COL4A4: variants seen among roughly 807,000 people sequenced by gnomAD.
COL4A4 encodes the protein collagen type IV alpha 4 chain.
A neutral mutation model predicts 192.9 loss-of-function variants in COL4A4; 105 were observed. That is an observed-to-expected ratio of 0.54 (90% confidence interval 0.46 to 0.64). The LOEUF is 0.64. Ranked by LOEUF, COL4A4 falls within the 30% of genes least tolerant of loss-of-function variation. The pLI is 0.00. For missense variants in COL4A4, 1,967 were observed against 2,169.3 expected (o/e 0.91, Z 1.85); for synonymous variants, 762 against 769.9 (o/e 0.99, Z 0.17).
chr2:227,034,797 A>G (rs1969264302), intron 37 of COL4A4, among the ~76,000 whole-genome samples: 2 of 135,216 alleles, frequency 1.5e-5, no homozygotes, highest in South Asian at 4.8e-4. Flanking sequence ...ATTCCCACCT[A>G]TGAGTGAGAA....
chr2:227,090,394 T>C (rs1242650326), intron 20 of COL4A4, among the ~76,000 whole-genome samples: 1 of 152,092 alleles, frequency 6.6e-6, no homozygotes, highest in Non-Finnish European at 1.5e-5. Context: ...AGACGACAGA[T>C]AAAATGCAAA....
In COL4A4 at chr2:227,004,105, A is replaced by C. The variant is rs1961563862; in HGVS notation, c.*3220T>G. 6.6e-6 allele frequency: 1 copy of C among 152,266 alleles called. No homozygotes were observed. Among genetic ancestry groups the C allele is most frequent in the African/African-American group, 2.4e-5 (1 of 41,462 alleles). The allele number at this position is 152,266 out of a possible 1,614,324, so 9.4% of individuals were successfully genotyped here. A position where few individuals can be genotyped will look rare whatever the true frequency, so the allele number is the denominator to read the frequency against. ...TGTGTTCAACTCTGTGCTAGGCATT[A>C]GGCATACAAAAACGAGTCAAGCATG... On this transcript the variant is annotated 3_prime_UTR_variant, in exon 48 of 48. Coordinates refer to ENST00000396625, the MANE Select transcript of COL4A4 (RefSeq NM_000092.5).
At chr2:227,135,354 T>G (rs925925732) in intron 4 of COL4A4, among the ~76,000 whole-genome samples, 2 of 152,174 alleles carry the variant, frequency 1.3e-5, no homozygotes, top group African/African-American at 2.4e-5. Context: ...AGGGTGCCAT[T>G]GTACCTTAAA....
intron 5 of COL4A4, among the ~76,000 whole-genome samples, chr2:227,120,409 G>T (rs1279577306): frequency 3.3e-5 from 5 of 152,160 alleles, no homozygotes; most frequent in African/African-American, 1.2e-4. Context: ...TGGTCTCTAA[G>T]ACATATTGTT....
At chr2:227,013,531 G>C (rs1237815663) in intron 44 of COL4A4, among the ~76,000 whole-genome samples, 1 of 152,142 alleles carries the variant, frequency 6.6e-6, no homozygotes, top group Non-Finnish European at 1.5e-5. Flanking sequence ...TCCCTGGAAT[G>C]GCACAGAGGA....
At chr2:227,074,970 A>G (rs1395079998) in intron 25 of COL4A4, among the ~76,000 whole-genome samples, 1 of 152,154 alleles carries the variant, frequency 6.6e-6, no homozygotes, top group African/African-American at 2.4e-5. Context: ...CAAATAGACC[A>G]ATAACAAGTT....
intron 31 of COL4A4, 25 bp downstream of exon 31, chr2:227,054,569 T>C: frequency 6.2e-7 from 1 of 1,613,744 alleles, no homozygotes; most frequent in Non-Finnish European, 8.5e-7. Flanking sequence ...AACAAATGCA[T>C]GTTGCATGGC....
chr2:227,007,919 C>T, intron 47 of COL4A4, 99 bp downstream of exon 47: 1 of 1,450,678 alleles, frequency 6.9e-7, no homozygotes, highest in South Asian at 1.2e-5. Context: ...GTCCTAAGCG[C>T]AGAGTGCTCA....
At chr2:227,029,746 TC>T (rs1474003676) in intron 41 of COL4A4, among the ~76,000 whole-genome samples, 1 of 152,164 alleles carries the variant, frequency 6.6e-6, no homozygotes, top group Non-Finnish European at 1.5e-5. Context: ...AAAACTGATC[TC>T]CCCAAATATT....
Position 227,004,286 on chromosome 2 carries a change from T to A in COL4A4, c.*3039A>T, listed in dbSNP as rs1339145318. ...CTAAGTTTCCCCCAGGGAATTCACC[T>A]CCCACGCAGGGTAAACTGACCCCAG... On this transcript the variant is annotated 3_prime_UTR_variant, in exon 48 of 48. Transcript: ENST00000396625. 1.3e-5 allele frequency: 2 copies of A among 152,258 alleles called. No individual in the cohort carries two copies. The highest frequency in any genetic ancestry group is 2.9e-5 in the Non-Finnish European group (2 of 68,116). The allele number at this position is 152,258 out of a possible 1,614,324, so 9.4% of individuals were successfully genotyped here.
chr2:227,087,789 T>C (rs2059683244), intron 22 of COL4A4, among the ~76,000 whole-genome samples: 1 of 152,234 alleles, frequency 6.6e-6, no homozygotes. Context: ...GGCTGTTTCA[T>C]GTAGTCTAGA....
intron 25 of COL4A4, among the ~76,000 whole-genome samples, chr2:227,062,924 GATA>G (rs1187486627): frequency 6.6e-6 from 1 of 152,152 alleles, no homozygotes. Context: ...ATGGGTAGTA[GATA>G]ATAATAATAA....
At chr2:227,054,813 A>G (rs1044360498) in intron 30 of COL4A4, 76 bp from the exon 31 acceptor site, 24 of 1,475,408 alleles carry the variant, frequency 1.6e-5, no homozygotes, top group Non-Finnish European at 2.1e-5. Flanking sequence ...GGAGGTGGAC[A>G]GAGTCTCACT....
intron 3 of COL4A4, 109 bp from the exon 4 acceptor site, chr2:227,140,347 G>T: frequency 1.2e-6 from 1 of 845,114 alleles, no homozygotes; most frequent in Non-Finnish European, 2.0e-6. Context: ...TCCATGAGAA[G>T]AAAAGACTAA....
Position 227,082,140 on chromosome 2 carries a change from A to G in COL4A4, c.1671T>C (p.Gly557=). The change falls in exon 23 of 48, where the codon GGT becomes GGC. Residue 557 remains glycine, a synonymous_variant. Coordinates refer to ENST00000396625, the MANE Select transcript of COL4A4 (RefSeq NM_000092.5). ...CTTTAACTCTTGATACAACCATGTC[A>G]CCCTTCGCCCCTTTGTTGCCAGGTG... ...SGPPGNKGAK[G]DMVVSRVKGH... The G allele has an allele frequency of 6.2e-7, 1 of 1,614,158 alleles. No individual in the cohort carries two copies. Among genetic ancestry groups the G allele is most frequent in the Non-Finnish European group, 8.5e-7 (1 of 1,180,008 alleles).
intron 4 of COL4A4, among the ~76,000 whole-genome samples, chr2:227,129,744 G>T (rs961174356): frequency 6.6e-6 from 1 of 152,044 alleles, no homozygotes; most frequent in Admixed American, 6.6e-5. Context: ...ATTCATGAAC[G>T]TTTTTATTTC....
intron 46 of COL4A4, 113 bp downstream of exon 46, chr2:227,010,200 G>C: frequency 8.8e-7 from 1 of 1,138,150 alleles, no homozygotes; most frequent in Non-Finnish European, 1.3e-6. Flanking sequence ...TGTTTTAAAA[G>C]TAAGAATAAT....
At chr2:227,053,001 T>C (rs1023761718) in intron 31 of COL4A4, among the ~76,000 whole-genome samples, 11 of 152,194 alleles carry the variant, frequency 7.2e-5, no homozygotes, top group African/African-American at 1.9e-4. Flanking sequence ...TGCAAGCCAG[T>C]TGTTAAACCA....
chr2:226,977,587 T>G, the COL4A4 span, among the ~76,000 whole-genome samples: 1 of 152,188 alleles, frequency 6.6e-6, no homozygotes, highest in Non-Finnish European at 1.5e-5. Flanking sequence ...ATCCTGGCCC[T>G]GTAGCATAAT....
Sources: allele counts gnomAD v4.1 joint callset (sites outside exome capture counted in the v4.1 genomes callset), GRCh38; gene constraint gnomAD v4.1.1; transcripts MANE v1.5; gene names NCBI Gene and HGNC (gene_info 2026-07-23, HGNC 2026-07-21).